Variants in TRA2A observed in about 807,000 individuals in gnomAD.
TRA2A encodes transformer 2 alpha homolog.
A neutral mutation model predicts 45.7 loss-of-function variants in TRA2A; 31 were observed. The observed-to-expected ratio is 0.68, with a 90% CI of 0.51 to 0.92. The LOEUF (loss-of-function observed/expected upper bound fraction) is 0.92, where lower values mean the gene tolerates loss of function less well. Ranked by LOEUF, TRA2A falls within the 40% of genes least tolerant of loss-of-function variation. TRA2A has a pLI of 0.00. For synonymous variants in TRA2A, 132 were observed against 126.2 expected, an observed-to-expected ratio of 1.05 and a Z score of -0.31; for missense variants, 304 against 367.5, an observed-to-expected ratio of 0.83 and a Z score of 1.41.
rs1789420870 is a variant in TRA2A at position 23,508,001 on chromosome 7, G to A, written c.526-466C>T. ...ATTTCACTTACAAAGACTGACTTCA[G>A]AACATTAAAAAGGGTTTGCTAAGCT... On this transcript the variant is annotated intron_variant, in intron 4 of 7. Coordinates refer to ENST00000297071, the MANE Select transcript of TRA2A (RefSeq NM_013293.5). Among the ~76,000 whole-genome samples the A allele has an allele frequency of 2.0e-5, 3 of 152,072 alleles. No individual in the cohort carries two copies. The South Asian group carries it at 6.2e-4, about 31-fold the overall frequency.
chr7:23,514,790 T>C (rs1043285449), intron 3 of TRA2A, among the ~76,000 whole-genome samples: 10 of 152,196 alleles, frequency 6.6e-5, no homozygotes, highest in African/African-American at 2.4e-4. Flanking sequence ...GGATATTCTT[T>C]CAGTGTTCCC....
chr7:23,515,765 C>T (rs1359244132), intron 3 of TRA2A, among the ~76,000 whole-genome samples: 2 of 150,836 alleles, frequency 1.3e-5, no homozygotes, highest in Admixed American at 6.6e-5. Flanking sequence ...AGGCTGGTCT[C>T]GAACTCCTGA....
intron 1 of TRA2A, 53 bp from the exon 2 acceptor site, chr7:23,521,893 C>T (rs750493495): frequency 1.8e-5 from 29 of 1,606,218 alleles, no homozygotes; most frequent in Non-Finnish European, 2.5e-5. Flanking sequence ...ATGCCTAACA[C>T]CTAACATTTA....
chr7:23,507,248 T>C (rs768888640), intron 5 of TRA2A, 172 bp downstream of exon 5: 7 of 577,708 alleles, frequency 1.2e-5, no homozygotes, highest in African/African-American at 1.9e-5. Flanking sequence ...TACAGGCATG[T>C]GCCACCACAC....
intron 7 of TRA2A, 63 bp downstream of exon 7, chr7:23,505,683 T>C: frequency 4.5e-6 from 5 of 1,105,990 alleles, no homozygotes; most frequent in Non-Finnish European, 5.2e-6. Flanking sequence ...TACTCTAATA[T>C]TCTAAAGTAA....
chr7:23,515,058 C>A (rs114315542), intron 3 of TRA2A, among the ~76,000 whole-genome samples: 276 of 152,150 alleles, frequency 1.8e-3, no homozygotes, highest in Middle Eastern at 6.8e-3. Context: ...ACTTGCCTCA[C>A]AGAAATGTTA....
chr7:23,525,842 C>T (rs1180500870), intron 1 of TRA2A, among the ~76,000 whole-genome samples: 3 of 152,140 alleles, frequency 2.0e-5, no homozygotes, highest in Admixed American at 6.5e-5. Context: ...GTGATCCACC[C>T]GCCTCAGCCT....
intron 3 of TRA2A, among the ~76,000 whole-genome samples, chr7:23,515,450 C>G (rs1482071967): frequency 6.6e-6 from 1 of 152,002 alleles, no homozygotes; most frequent in Non-Finnish European, 1.5e-5. Context: ...ATCTCCTGAC[C>G]TCGTGATCCG....
intron 1 of TRA2A, chr7:23,522,096 A>G: frequency 7.6e-7 from 1 of 1,318,590 alleles, no homozygotes; most frequent in Non-Finnish European, 9.7e-7. Context: ...ACTTGATCAT[A>G]CAGACACTGG....
Position 23,522,205 on chromosome 7 carries a change from TTGAG to T in TRA2A, c.37-369_37-366del, listed in dbSNP as rs140545554. On this transcript the variant is annotated intron_variant, in intron 1 of 7. Coordinates refer to ENST00000297071, the MANE Select transcript of TRA2A (RefSeq NM_013293.5). ...GCTTTCTACTTCTCTTCATTCTTCA[TTGAG>T]TTTTTCATTTTTCATACTTCGTGTA... is the stretch of plus-strand genomic sequence containing the variant. 9.0e-5 allele frequency: 102 copies of T among 1,130,380 alleles called. No homozygotes were observed. The African/African-American group carries it at 1.5e-3, about 17-fold the overall frequency. The allele number at this position is 1,130,380 out of a possible 1,614,324, so 70.0% of individuals were successfully genotyped here.
intron 1 of TRA2A, among the ~76,000 whole-genome samples, chr7:23,526,745 A>C (rs1364312144): frequency 1.3e-5 from 2 of 152,204 alleles, no homozygotes; most frequent in Non-Finnish European, 2.9e-5. Context: ...GCTCATATTA[A>C]ATTGAAATAA....
chr7:23,507,658 G>A, intron 4 of TRA2A, 123 bp from the exon 5 acceptor site: 2 of 719,866 alleles, frequency 2.8e-6, no homozygotes, highest in Admixed American at 2.1e-5. Context: ...TGACAGCAAT[G>A]TAGCTTGTAC....
intron 4 of TRA2A, among the ~76,000 whole-genome samples, chr7:23,510,917 T>C (rs1332769177): frequency 2.0e-5 from 3 of 151,994 alleles, no homozygotes. Context: ...AAAACTAAAG[T>C]ACTAGTTTGT....
chr7:23,529,625 T>G (rs895122302), intron 1 of TRA2A, among the ~76,000 whole-genome samples: 1 of 152,202 alleles, frequency 6.6e-6, no homozygotes, highest in South Asian at 2.1e-4. Context: ...CTTTAACCAA[T>G]TACAAATAAA....
chr7:23,518,727 G>A (rs1790001555), intron 2 of TRA2A, among the ~76,000 whole-genome samples: 1 of 146,888 alleles, frequency 6.8e-6, no homozygotes, highest in Admixed American at 6.9e-5. Context: ...CTGTCACCCA[G>A]ACTGGAGTGT....
Position 23,531,926 on chromosome 7 carries a change from T to C in TRA2A, c.-102A>G. Reference sequence around the variant, plus strand: ...CTGGACCGTGGGGAAGAGGAAAGAGTCGGCAACCACAGCCGCTCCACTCCA... The same window carrying C: ...CTGGACCGTGGGGAAGAGGAAAGAGCCGGCAACCACAGCCGCTCCACTCCA... On this transcript the variant is annotated 5_prime_UTR_variant, in exon 1 of 8. Transcript: ENST00000297071. The C allele has an allele frequency of 7.4e-7, 1 of 1,350,378 alleles. No individual in the cohort carries two copies. Among genetic ancestry groups the C allele is most frequent in the Non-Finnish European group, 1.0e-6 (1 of 959,288 alleles). The allele number at this position is 1,350,378 out of a possible 1,614,324, so 83.6% of individuals were successfully genotyped here.
chr7:23,519,012 CTA>C (rs1160157128), intron 2 of TRA2A, among the ~76,000 whole-genome samples: 2 of 152,154 alleles, frequency 1.3e-5, no homozygotes, highest in African/African-American at 4.8e-5. Context: ...TTGATGCTTT[CTA>C]TAACATTTCA....
chr7:23,512,907 T>A lies in TRA2A; in HGVS notation c.512A>T (p.Asp171Val). ...GFAFVYFERI[D>V]DSKEAMERAN... ...AGACAAATTTACCTCCTTTGAGTCA[T>A]CTATTCTCTCAAAATACACAAAAGC... Residue 171 changes from aspartate (D) to valine (V), a missense_variant, in exon 4 of 8, where the codon GAT (aspartate) becomes GTT (valine). Physicochemically the swap from Asp to Val is radical, Grantham distance 152. Transcript: ENST00000297071. 6.2e-7 allele frequency: 1 copy of A among 1,612,792 alleles called. No homozygotes were observed. Among genetic ancestry groups the A allele is most frequent in the East Asian group, 2.2e-5 (1 of 44,866 alleles).
At chr7:23,508,299 G>A (rs951120503) in intron 4 of TRA2A, among the ~76,000 whole-genome samples, 5 of 137,912 alleles carry the variant, frequency 3.6e-5, no homozygotes, top group East Asian at 4.3e-4. Flanking sequence ...AAAAAAAAAG[G>A]AGGTCTCACT....
Sources: gnomAD v4.1 joint callset for allele counts (sites outside exome capture counted in the v4.1 genomes callset) on GRCh38, gnomAD v4.1.1 for gene constraint, MANE v1.5 for transcripts, NCBI Gene and HGNC (gene_info 2026-07-23, HGNC 2026-07-21) for gene names.